Variants in TRRAP observed in about 807,000 individuals in gnomAD.
The protein encoded by TRRAP is transformation/transcription domain-associated protein.
Under a neutral mutation model 438.8 loss-of-function variants are expected in TRRAP, and 41 were observed. The ratio of observed to expected loss-of-function variants is 0.09; its 90% confidence interval spans 0.07 to 0.12. The LOEUF is 0.12. TRRAP is among the 10% of genes least tolerant of loss of function. The pLI is 1.00. For missense variants in TRRAP, 3,122 were observed against 5,055.1 expected (o/e 0.62, Z 11.60); for synonymous variants, 1,994 against 1,962.9 (o/e 1.02, Z -0.42).
chr7:98,966,456 A>G (rs141213993), intron 49 of TRRAP, among the ~76,000 whole-genome samples: 4,161 of 152,122 alleles, frequency 0.027, 83 homozygotes, highest in South Asian at 0.054. Flanking sequence ...AGACCGAGGC[A>G]GGTGGATCAC....
intron 3 of TRRAP, among the ~76,000 whole-genome samples, chr7:98,882,744 C>T (rs782693981): frequency 4.7e-4 from 72 of 152,266 alleles, no homozygotes; most frequent in South Asian, 1.5e-3. Context: ...TCACTGCAAC[C>T]TCCACCTCCC....
At chr7:98,880,881 C>T (rs1795399524) in intron 1 of TRRAP, among the ~76,000 whole-genome samples, 1 of 152,088 alleles carries the variant, frequency 6.6e-6, no homozygotes, top group Non-Finnish European at 1.5e-5. Context: ...TAGGAAGGAA[C>T]AGTATCTGCA....
chr7:98,922,330 G>A (rs1391655363), intron 21 of TRRAP, among the ~76,000 whole-genome samples: 3 of 152,166 alleles, frequency 2.0e-5, no homozygotes, highest in African/African-American at 7.2e-5. Flanking sequence ...AACGCAGCTC[G>A]CACTGTCTCA....
intron 9 of TRRAP, 37 bp from the exon 10 acceptor site, chr7:98,899,642 G>T: frequency 6.2e-7 from 1 of 1,611,740 alleles, no homozygotes; most frequent in African/African-American, 1.3e-5. Flanking sequence ...CCATAGCAGA[G>T]TGTCAATGTA....
At chr7:98,955,893 CTG>C (rs1466498320) in intron 41 of TRRAP, among the ~76,000 whole-genome samples, 1 of 150,128 alleles carries the variant, frequency 6.7e-6, no homozygotes, top group African/African-American at 2.5e-5. Flanking sequence ...TTTTTCAAGA[CTG>C]AAGTATACTA....
rs112017697 is a variant in TRRAP, at chr7:98,909,104, A to G, written c.1350+142A>G. ...AGTGGCGTGATCTCAGCTCACTGCA[A>G]CCTCTGCCTCCTGGGTTCAAGTGAT... On this transcript the variant is annotated intron_variant, in intron 14 of 72. Transcript: ENST00000456197. 1,199 of 759,418 alleles carry G rather than the reference A, an allele frequency of 1.6e-3. 7 individuals are homozygous for G. The African/African-American group carries it at 0.016, about 10-fold the overall frequency. The allele number at this position is 759,418 out of a possible 1,614,324, so 47.0% of individuals were successfully genotyped here.
chr7:98,950,581 C>T (rs1419347716), intron 38 of TRRAP, among the ~76,000 whole-genome samples: 2 of 152,114 alleles, frequency 1.3e-5, no homozygotes, highest in Non-Finnish European at 2.9e-5. Context: ...TGCTCAGGAG[C>T]GTCAGGTGCA....
intron 26 of TRRAP, among the ~76,000 whole-genome samples, chr7:98,932,914 G>A (rs782262564): frequency 5.9e-5 from 9 of 152,020 alleles, no homozygotes; most frequent in Non-Finnish European, 1.2e-4. Context: ...AAAAAACAGT[G>A]TACTTCAAGA....
intron 26 of TRRAP, 73 bp downstream of exon 26, chr7:98,931,738 G>C (rs1310212770): frequency 6.4e-7 from 1 of 1,561,616 alleles, no homozygotes; most frequent in Non-Finnish European, 8.7e-7. Flanking sequence ...TTTGAGTTGA[G>C]GTGATACTCC....
At chr7:98,910,984 T>A in intron 16 of TRRAP, 93 bp from the exon 17 acceptor site, 1 of 1,107,818 alleles carries the variant, frequency 9.0e-7, no homozygotes, top group African/African-American at 1.6e-5. Context: ...AAGTGCTCTA[T>A]TTTAAGTATG....
In TRRAP at chr7:98,908,346, C is replaced by T. The variant is rs1796885316; in HGVS notation, c.1116-382C>T. Among the ~76,000 whole-genome samples the T allele has an allele frequency of 6.6e-6, 1 of 152,174 alleles. No homozygotes were observed. The highest frequency in any genetic ancestry group is 2.4e-5 in the African/African-American group (1 of 41,446). The stretch of plus-strand genomic sequence containing the variant: ...AAAACTAGTAGCCTGAAAATTCTTA[C>T]TGTGTCTCTGTAAAGTGGTCATCAT... On this transcript the variant is annotated intron_variant, in intron 13 of 72. Transcript: ENST00000456197. This position sits in a 1 kb window ranked among gnomAD's most constrained non-coding sequence, Gnocchi z 4.1.
Position 98,964,797 on chromosome 7 carries a change from G to A in TRRAP, c.6976+22G>A, listed in dbSNP as rs201197894. 2.5e-6 allele frequency: 4 copies of A among 1,604,716 alleles called. No homozygotes were observed. In the East Asian group the frequency reaches 9.0e-5, roughly 36 times the overall value. ...TCAGGTGATGTGCTGGCCACCGGGGGCCTTTCCTCAGACTCTGTTGAACAG... is the reference window on the plus strand; with the variant it reads ...TCAGGTGATGTGCTGGCCACCGGGGACCTTTCCTCAGACTCTGTTGAACAG... On this transcript the variant is annotated intron_variant, in intron 48 of 72. Coordinates refer to ENST00000456197, the MANE Select transcript of TRRAP (RefSeq NM_001375524.1).
chr7:98,976,466 A>G lies in TRRAP; in HGVS notation c.7960-17A>G. The G allele has an allele frequency of 1.2e-6, 2 of 1,601,486 alleles. No individual in the cohort carries two copies. Among genetic ancestry groups the G allele is most frequent in the East Asian group, 2.2e-5 (1 of 44,742 alleles). Reference sequence around the variant, plus strand: ...ATTTTTGAATGAAGGCCTAAATGACATGTGCTTTGGTTTCAGGCACTCGCG... The same window carrying G: ...ATTTTTGAATGAAGGCCTAAATGACGTGTGCTTTGGTTTCAGGCACTCGCG... On this transcript the variant is annotated splice_polypyrimidine_tract_variant and intron_variant, in intron 54 of 72. Transcript: ENST00000456197. This position sits in a 1 kb window ranked among gnomAD's most constrained non-coding sequence, Gnocchi z 4.6.
At chr7:99,000,905 C>A (rs1424501843) in intron 67 of TRRAP, among the ~76,000 whole-genome samples, 1 of 152,232 alleles carries the variant, frequency 6.6e-6, no homozygotes, top group Non-Finnish European at 1.5e-5. Flanking sequence ...CCCTACCATA[C>A]CTTCCAGCTG....
chr7:98,880,262 G>GTTTTGTTTTT (rs1554402830), intron 1 of TRRAP, among the ~76,000 whole-genome samples: 2 of 132,108 alleles, frequency 1.5e-5, no homozygotes, highest in Non-Finnish European at 3.1e-5. Flanking sequence ...TGTTGTTGTT[G>GTTTTGTTTTT]TTTTTTTTTT....
At chr7:98,988,665 A>C in intron 62 of TRRAP, 100 bp from the exon 63 acceptor site, 2 of 1,384,884 alleles carry the variant, frequency 1.4e-6, no homozygotes, top group South Asian at 2.7e-5. Flanking sequence ...GAATGGACCA[A>C]ATGCCCCGCA....
At chr7:98,930,977 AG>A (rs568373679) in intron 25 of TRRAP, 147 bp downstream of exon 25, 94 of 1,093,458 alleles carry the variant, frequency 8.6e-5, no homozygotes, top group Admixed American at 1.4e-4. Context: ...CTTCACTAAA[AG>A]GACAGCTCAG....
chr7:98,922,375 G>GGATGTTGGCAACA (rs1554410775), intron 21 of TRRAP, among the ~76,000 whole-genome samples: 32 of 152,230 alleles, frequency 2.1e-4, no homozygotes, highest in African/African-American at 7.5e-4. Flanking sequence ...ACAGCTCCTG[G>GGATGTTGGCAACA]GTCTCTGTTA....
At chr7:98,947,312 C>G (rs1477000864) in intron 33 of TRRAP, among the ~76,000 whole-genome samples, 2 of 152,194 alleles carry the variant, frequency 1.3e-5, no homozygotes, top group East Asian at 3.8e-4. Context: ...AGCAGTTTGT[C>G]AGCTTTATTT....
Sources: gnomAD v4.1 joint callset for allele counts (sites outside exome capture counted in the v4.1 genomes callset) on GRCh38, gnomAD v4.1.1 for gene constraint, Gnocchi (gnomAD v3.1) non-coding constraint, MANE v1.5 for transcripts, NCBI Gene and HGNC (gene_info 2026-07-23, HGNC 2026-07-21) for gene names.